NRXN3: variants seen among roughly 807,000 people sequenced by gnomAD.
NRXN3 encodes neurexin III.
In NRXN3, 32 loss-of-function variants were observed where a neutral mutation model predicts 137.6. That is an observed-to-expected ratio of 0.23 (90% CI 0.18 to 0.31). NRXN3 has a LOEUF of 0.31. Among genes scored for constraint, NRXN3 ranks in the 10% least tolerant of loss-of-function variants. The pLI is 1.00. For missense variants in NRXN3, 1,574 were observed against 2,062.5 expected (o/e 0.76, Z 4.59); for synonymous variants, 798 against 784.5 (o/e 1.02, Z -0.29).
intron 8 of NRXN3, among the ~76,000 whole-genome samples, chr14:78,802,694 C>G (rs1228875300): frequency 6.6e-6 from 1 of 152,046 alleles, no homozygotes; most frequent in Non-Finnish European, 1.5e-5. Flanking sequence ...GTTTGTAATC[C>G]CAGCACTTTG....
intron 19 of NRXN3, among the ~76,000 whole-genome samples, chr14:79,744,413 T>A (rs1423355984): frequency 7.9e-6 from 1 of 126,830 alleles, no homozygotes; most frequent in Non-Finnish European, 1.7e-5. Flanking sequence ...CTTAGATGTT[T>A]CCTACCCCCC....
intron 16 of NRXN3, among the ~76,000 whole-genome samples, chr14:79,518,951 A>G (rs1388819854): frequency 6.6e-6 from 1 of 152,132 alleles, no homozygotes; most frequent in Non-Finnish European, 1.5e-5. Flanking sequence ...TAAACAATTT[A>G]ATTATTTTCT....
At chr14:79,700,905 A>G (rs1203538122) in intron 19 of NRXN3, among the ~76,000 whole-genome samples, 1 of 152,104 alleles carries the variant, frequency 6.6e-6, no homozygotes, top group Non-Finnish European at 1.5e-5. Flanking sequence ...TAGGTACTCT[A>G]TTGAATTTTA....
At chr14:79,141,914 CAAAT>C (rs776198098) in intron 15 of NRXN3, among the ~76,000 whole-genome samples, 1 of 152,150 alleles carries the variant, frequency 6.6e-6, no homozygotes, top group Non-Finnish European at 1.5e-5. Flanking sequence ...ATGTCATAAA[CAAAT>C]CAATCACTCT....
intron 1 of NRXN3, among the ~76,000 whole-genome samples, chr14:78,237,149 T>C (rs1027461407): frequency 3.3e-5 from 5 of 152,076 alleles, no homozygotes; most frequent in African/African-American, 1.2e-4. Flanking sequence ...ATGGCAAAGG[T>C]GGGTAAGACA....
rs373652117 is a variant in NRXN3, at chr14:79,410,190, G to GAC, written c.3263-57020_3263-57019dup. Among the ~76,000 whole-genome samples, 890 of 151,266 alleles carry GAC rather than the reference G, an allele frequency of 5.9e-3. 7 individuals carry two copies. The highest frequency in any genetic ancestry group is 0.02 in the African/African-American group (833 of 41,272). ...ACCGTAAAATATAATGCTTATTTGAGACACACACACACGCACACACACACG... is the reference window on the plus strand; with the variant it reads ...ACCGTAAAATATAATGCTTATTTGAGACACACACACACACGCACACACACACG... On this transcript the variant is annotated intron_variant, in intron 15 of 20. Coordinates refer to ENST00000335750, the MANE Select transcript of NRXN3 (RefSeq NM_001330195.2).
At chr14:79,645,608 C>CT (rs2098450098) in intron 16 of NRXN3, among the ~76,000 whole-genome samples, 2 of 107,670 alleles carry the variant, frequency 1.9e-5, no homozygotes, top group Admixed American at 1.0e-4. Context: ...GAATGAGACT[C>CT]TGTCTCAAAA....
chr14:78,182,547 G>A (rs900749915), intron 1 of NRXN3, among the ~76,000 whole-genome samples: 8 of 152,190 alleles, frequency 5.3e-5, no homozygotes, highest in African/African-American at 1.2e-4. Flanking sequence ...TTGGCTCACC[G>A]CAACCTCTGC....
intron 15 of NRXN3, among the ~76,000 whole-genome samples, chr14:79,122,298 AC>A (rs2055586562): frequency 6.6e-6 from 1 of 152,202 alleles, no homozygotes; most frequent in African/African-American, 2.4e-5. Flanking sequence ...GGATATCCCT[AC>A]ACATCACTGC....
chr14:79,213,629 G>A (rs1239504112), intron 15 of NRXN3, among the ~76,000 whole-genome samples: 1 of 151,438 alleles, frequency 6.6e-6, no homozygotes, highest in Non-Finnish European at 1.5e-5. Context: ...TTTTTTTGGG[G>A]GGGGGTGGCG....
At chr14:79,617,186 T>C (rs1035981212) in intron 16 of NRXN3, among the ~76,000 whole-genome samples, 4 of 152,174 alleles carry the variant, frequency 2.6e-5, no homozygotes, top group Admixed American at 6.5e-5. Context: ...TTCAGGGATA[T>C]ACCAAAATGA....
chr14:78,740,537 T>G lies in NRXN3; in HGVS notation c.2044+25398T>G, dbSNP rs532699359. ...TAATTTGCAATTTTTTTCTTCTCTT[T>G]TCTTTTCTTTTTTTTTTTTTTACAC... On this transcript the variant is annotated intron_variant, in intron 8 of 20. Transcript: ENST00000335750. 4.4e-4 allele frequency among the ~76,000 whole-genome samples: 50 copies of G among 112,590 alleles called. 1 individual carries two copies. Among genetic ancestry groups the G allele is most frequent in the African/African-American group, 1.2e-3 (49 of 40,146 alleles). The allele number at this position is 112,590 out of a possible 152,430, so 73.9% of individuals were successfully genotyped here.
At chr14:79,854,124 ATG>A in intron 20 of NRXN3, 2 of 981,656 alleles carry the variant, frequency 2.0e-6, no homozygotes, top group Non-Finnish European at 2.4e-6. Context: ...AGTTACAAGA[ATG>A]TGGCAATTCT....
At chr14:79,521,956 G>A (rs1045880926) in intron 16 of NRXN3, among the ~76,000 whole-genome samples, 1 of 152,000 alleles carries the variant, frequency 6.6e-6, no homozygotes, top group Non-Finnish European at 1.5e-5. Flanking sequence ...TAAAATGTTG[G>A]GTCATATTTT....
intron 15 of NRXN3, among the ~76,000 whole-genome samples, chr14:79,449,766 G>C (rs1270394522): frequency 6.6e-6 from 1 of 152,086 alleles, no homozygotes. Context: ...GAGGCGGGCG[G>C]ATCACCTGAG....
chr14:78,735,084 T>C (rs981727584), intron 8 of NRXN3, among the ~76,000 whole-genome samples: 10 of 152,152 alleles, frequency 6.6e-5, no homozygotes, highest in Non-Finnish European at 1.5e-4. Context: ...GGACTAAATT[T>C]GGACTAGGGC....
chr14:78,248,540 T>G (rs921436856), intron 2 of NRXN3, among the ~76,000 whole-genome samples: 11 of 152,042 alleles, frequency 7.2e-5, no homozygotes, highest in Non-Finnish European at 1.2e-4. Context: ...TTTACTGAGG[T>G]CCAGAGACAT....
At chr14:78,586,886 G>A (rs1046393325) in intron 4 of NRXN3, among the ~76,000 whole-genome samples, 17 of 152,176 alleles carry the variant, frequency 1.1e-4, no homozygotes, top group Non-Finnish European at 2.1e-4. Flanking sequence ...AGGCTCCTGC[G>A]GGCCTGTGCC....
chr14:79,862,093 C>T lies in NRXN3; in HGVS notation c.*129C>T. 1.1e-5 allele frequency: 9 copies of T among 793,456 alleles called. No homozygotes were observed. The highest frequency in any genetic ancestry group is 1.8e-5 in the Non-Finnish European group (9 of 503,014). 49.2% of individuals were successfully genotyped at this position (793,456 alleles called of 1,614,324 possible). A position where few individuals can be genotyped will look rare whatever the true frequency, so the allele number is the denominator to read the frequency against. On this transcript the variant is annotated 3_prime_UTR_variant, in exon 21 of 21. Transcript: ENST00000335750. ...TGAAATGGGGTATATAACCACGACT[C>T]TGGTGGGGAAAACCGTTTTTTAAAG... is the stretch of plus-strand genomic sequence containing the variant.
Sources: gnomAD v4.1 joint callset for allele counts (sites outside exome capture counted in the v4.1 genomes callset) on GRCh38, gnomAD v4.1.1 for gene constraint, MANE v1.5 for transcripts, NCBI Gene and HGNC (gene_info 2026-07-23, HGNC 2026-07-21) for gene names.